VIL1: variants seen among roughly 807,000 people sequenced by gnomAD.
The protein encoded by VIL1 is villin-1.
VIL1 carries 86 observed loss-of-function variants against 104.0 expected under a neutral mutation model. The observed-to-expected ratio is 0.83, with a 90% CI of 0.69 to 0.99. The LOEUF is 0.99. VIL1 is among the 50% of genes least tolerant of loss of function. VIL1 has a pLI of 0.00. For synonymous variants in VIL1, 394 were observed against 412.6 expected, an observed-to-expected ratio of 0.95 and a Z score of 0.55; for missense variants, 944 against 1,054.1, an observed-to-expected ratio of 0.90 and a Z score of 1.45.
In VIL1 at chr2:218,429,644, G is replaced by A. The variant is rs554885061; in HGVS notation, c.818G>A (p.Arg273Gln). 162 of 1,614,086 alleles carry A rather than the reference G, an allele frequency of 1.0e-4. 1 individual carries two copies. The South Asian group carries it at 1.5e-3, about 15-fold the overall frequency. ...GNLVVREVAT[R>Q]PLTQDLLSHE... ...CTGGTGGTGAGGGAAGTCGCCACAC[G>A]GCCACTGACACAGGACCTGCTCAGT... Residue 273 changes from arginine to glutamine, a missense_variant, in exon 8 of 20, where the codon CGG becomes CAG. Coordinates refer to ENST00000248444, the MANE Select transcript of VIL1 (RefSeq NM_007127.3).
Position 218,429,692 on chromosome 2 carries a change from A to AC in VIL1, c.849+21dup. The stretch of plus-strand genomic sequence containing the variant: ...AGTCACGAGGTAAGAGGGTCTGGAG[A>AC]CCCCTCAGCCTACTGCAGCCTGGCC... On this transcript the variant is annotated intron_variant, in intron 8 of 19. Coordinates refer to ENST00000248444, the MANE Select transcript of VIL1 (RefSeq NM_007127.3). 1.2e-6 allele frequency: 2 copies of AC among 1,613,710 alleles called. No individual in the cohort carries two copies. Among genetic ancestry groups the AC allele is most frequent in the Non-Finnish European group, 1.7e-6 (2 of 1,179,906 alleles).
At chr2:218,426,762 C>T (rs555400705) in intron 4 of VIL1, among the ~76,000 whole-genome samples, 8 of 152,240 alleles carry the variant, frequency 5.3e-5, no homozygotes, top group South Asian at 2.1e-4. Context: ...CCACCACGTC[C>T]GGCTAATTTT....
At chr2:218,438,828 TC>T in intron 18 of VIL1, 102 bp downstream of exon 18, 1 of 933,654 alleles carries the variant, frequency 1.1e-6, no homozygotes, top group South Asian at 1.5e-5. Context: ...TCCTGTGCTT[TC>T]CCTCCTATTT....
At chr2:218,443,443 C>T (rs1380615889) in intron 19 of VIL1, among the ~76,000 whole-genome samples, 1 of 151,802 alleles carries the variant, frequency 6.6e-6, no homozygotes, top group Non-Finnish European at 1.5e-5. Flanking sequence ...GGTGATCTGC[C>T]CACCTTGCCC....
At chr2:218,444,484 T>C (rs910760356) in intron 19 of VIL1, among the ~76,000 whole-genome samples, 34 of 151,428 alleles carry the variant, frequency 2.2e-4, no homozygotes, top group Non-Finnish European at 3.4e-4. Flanking sequence ...TTCACTGTGT[T>C]AGCCAGGATG....
intron 12 of VIL1, 36 bp from the exon 13 acceptor site, chr2:218,432,757 A>G: frequency 6.2e-7 from 1 of 1,612,150 alleles, no homozygotes; most frequent in Non-Finnish European, 8.5e-7. Context: ...TTGGGGGCTG[A>G]CCCAATCCCA....
chr2:218,432,829 G>A lies in VIL1; in HGVS notation c.1378G>A (p.Ala460Thr), dbSNP rs1450601338. ...QASQDEITAS[A>T]YQAVILDQKY... ...CAGCCAAGATGAAATTACAGCATCA[G>A]CTTATCAAGCCGTCATCCTGGACCA... Residue 460 changes from alanine (A) to threonine (T), a missense_variant, in exon 13 of 20, where the codon GCT (alanine) becomes ACT (threonine). Physicochemically the swap from Ala to Thr is moderately conservative, Grantham distance 58. Coordinates refer to ENST00000248444, the MANE Select transcript of VIL1 (RefSeq NM_007127.3). The A allele has an allele frequency of 6.2e-7, 1 of 1,614,168 alleles. No individual in the cohort carries two copies. Among genetic ancestry groups the A allele is most frequent in the South Asian group, 1.1e-5 (1 of 91,074 alleles).
At chr2:218,448,861 A>AG (rs1689415015) in intron 19 of VIL1, among the ~76,000 whole-genome samples, 1 of 151,790 alleles carries the variant, frequency 6.6e-6, no homozygotes, top group Admixed American at 6.6e-5. Context: ...AAAAGTTACC[A>AG]GGGCATGGTG....
At chr2:218,423,622 G>A in intron 1 of VIL1, 146 bp from the exon 2 acceptor site, 1 of 699,672 alleles carries the variant, frequency 1.4e-6, no homozygotes, top group Non-Finnish European at 2.5e-6. Context: ...AAGCGGAAAT[G>A]GTCCCTGAGT....
intron 1 of VIL1, among the ~76,000 whole-genome samples, chr2:218,420,818 C>G (rs1688890113): frequency 6.6e-6 from 1 of 152,112 alleles, no homozygotes; most frequent in Non-Finnish European, 1.5e-5. Context: ...ATCTCCTGAC[C>G]TCGTGATCCG....
At chr2:218,444,982 T>C (rs1187414290) in intron 19 of VIL1, among the ~76,000 whole-genome samples, 1 of 152,154 alleles carries the variant, frequency 6.6e-6, no homozygotes, top group Non-Finnish European at 1.5e-5. Context: ...AGCAAAGACC[T>C]AGGACATAGC....
At chr2:218,447,006 C>T (rs1689374225) in intron 19 of VIL1, among the ~76,000 whole-genome samples, 1 of 151,996 alleles carries the variant, frequency 6.6e-6, no homozygotes, top group African/African-American at 2.4e-5. Flanking sequence ...TCAAGTGATC[C>T]ACTCGCCTTG....
chr2:218,421,284 G>T (rs189671468), intron 1 of VIL1, among the ~76,000 whole-genome samples: 117 of 152,198 alleles, frequency 7.7e-4, no homozygotes, highest in South Asian at 1.7e-3. Flanking sequence ...GAGACTCAAG[G>T]GAGTTTAGGT....
At chr2:218,425,584 G>A (rs1180661397) in intron 3 of VIL1, 31 bp from the exon 4 acceptor site, 12 of 1,611,010 alleles carry the variant, frequency 7.4e-6, no homozygotes, top group Non-Finnish European at 7.6e-6. Context: ...GGAGCCCAGG[G>A]TCTCGGGTAC....
At chr2:218,427,642 A>C (rs998714959) in intron 4 of VIL1, among the ~76,000 whole-genome samples, 2 of 150,968 alleles carry the variant, frequency 1.3e-5, no homozygotes, top group Non-Finnish European at 3.0e-5. Context: ...TATATTTCCT[A>C]CTCTTAATAT....
At chr2:218,445,764 T>C (rs1355066609) in intron 19 of VIL1, among the ~76,000 whole-genome samples, 1 of 152,138 alleles carries the variant, frequency 6.6e-6, no homozygotes, top group African/African-American at 2.4e-5. Flanking sequence ...GAGATGATGT[T>C]TTATAGCAAC....
In VIL1 at chr2:218,451,060, T is replaced by G. The variant is rs1223641589; in HGVS notation, c.*1724T>G. 2.0e-5 allele frequency: 3 copies of G among 152,120 alleles called. No homozygotes were observed. The South Asian group carries it at 6.2e-4, about 31-fold the overall frequency. 9.4% of individuals were successfully genotyped at this position (152,120 alleles called of 1,614,324 possible). A position where few individuals can be genotyped will look rare whatever the true frequency, so the allele number is the denominator to read the frequency against. On this transcript the variant is annotated 3_prime_UTR_variant, in exon 20 of 20. Transcript: ENST00000248444. ...GGCCTAACAAATTAGAATTTTCCAA[T>G]AAAAAATATATATTTTTTCAGATGT...
At position 218,437,210 on chromosome 2, in the gene VIL1, C is replaced by T; in HGVS notation, c.2058C>T (p.Pro686=). The T allele has an allele frequency of 6.2e-7, 1 of 1,614,208 alleles. No homozygotes were observed. Among genetic ancestry groups the T allele is most frequent in the South Asian group, 1.1e-5 (1 of 91,082 alleles). ...TTAQEYLKTH[P]SGRDPETPII... ...CACAGGAATACCTCAAGACCCATCC[C>T]AGCGGGCGTGACCCTGAGACCCCCA... Residue 686 remains proline (P), a synonymous_variant, in exon 17 of 20, where the codon CCC becomes CCT. Transcript: ENST00000248444.
At chr2:218,427,284 C>G (rs1689018101) in intron 4 of VIL1, among the ~76,000 whole-genome samples, 1 of 151,894 alleles carries the variant, frequency 6.6e-6, no homozygotes, top group Non-Finnish European at 1.5e-5. Flanking sequence ...CCACTTTGAT[C>G]CCCTGTCCTC....
Sources: allele counts gnomAD v4.1 joint callset (sites outside exome capture counted in the v4.1 genomes callset), GRCh38; gene constraint gnomAD v4.1.1; transcripts MANE v1.5; gene names NCBI Gene and HGNC (gene_info 2026-07-23, HGNC 2026-07-21).